The following SLC25A48 variants were observed in gnomAD, a reference collection of about 807,000 sequenced individuals.
The protein encoded by SLC25A48 is solute carrier family 25 member 48.
A neutral mutation model predicts 32.2 loss-of-function variants in SLC25A48; 29 were observed. The ratio of observed to expected loss-of-function variants is 0.90; its 90% CI spans 0.67 to 1.23. The LOEUF is 1.23. Among genes scored for constraint, SLC25A48 ranks in the 50% most tolerant of loss-of-function variants. The pLI is 0.00. For missense variants in SLC25A48, 399 were observed against 422.7 expected (o/e 0.94, Z 0.49); for synonymous variants, 164 against 172.3 (o/e 0.95, Z 0.38).
At chr5:135,761,664 C>T (rs1219955463) in intron 3 of SLC25A48, among the ~76,000 whole-genome samples, 1 of 152,204 alleles carries the variant, frequency 6.6e-6, no homozygotes, top group Non-Finnish European at 1.5e-5. Context: ...TCGTCCATCA[C>T]CAGAAGATTG....
At chr5:135,653,888 C>T (rs1352371601) in intron 3 of SLC25A48, 1 of 456,254 alleles carries the variant, frequency 2.2e-6, no homozygotes, top group Non-Finnish European at 4.4e-6. Context: ...GACACAGCCA[C>T]AGGGCAAGCA....
intron 1 of SLC25A48, among the ~76,000 whole-genome samples, chr5:135,599,957 C>T (rs6889442): frequency 0.18 from 27,900 of 151,906 alleles, 2,853 homozygotes; most frequent in African/African-American, 0.22. Flanking sequence ...CCTGTCTGTC[C>T]CTGCCATAAC....
At chr5:135,720,711 C>G (rs553074021) in intron 3 of SLC25A48, among the ~76,000 whole-genome samples, 76 of 152,008 alleles carry the variant, frequency 5.0e-4, no homozygotes, top group African/African-American at 1.8e-3. Context: ...ACGGAGAGAC[C>G]AGGGTGAAAA....
chr5:135,854,608 T>A (rs6879905), intron 4 of SLC25A48, among the ~76,000 whole-genome samples: 3 of 152,070 alleles, frequency 2.0e-5, no homozygotes, highest in Non-Finnish European at 4.4e-5. Context: ...TTATGTCCTT[T>A]CTCTGAGTTA....
chr5:135,735,099 G>T (rs558893782), intron 3 of SLC25A48, among the ~76,000 whole-genome samples: 55 of 152,206 alleles, frequency 3.6e-4, no homozygotes, highest in Non-Finnish European at 6.5e-4. Context: ...CAGGCTGAGG[G>T]CATTCCTTGG....
intron 3 of SLC25A48, among the ~76,000 whole-genome samples, chr5:135,792,734 T>G (rs1440462273): frequency 6.6e-6 from 1 of 151,794 alleles, no homozygotes; most frequent in Non-Finnish European, 1.5e-5. Context: ...TGCGAGATAT[T>G]ACCTCCTAAT....
intron 3 of SLC25A48, among the ~76,000 whole-genome samples, chr5:135,758,407 A>G (rs1580847506): frequency 6.6e-6 from 1 of 150,844 alleles, no homozygotes. Context: ...AATATTATCT[A>G]TGATATCTAT....
intron 4 of SLC25A48, chr5:135,821,596 A>AGATGTTTG (rs1459443126): frequency 1.3e-5 from 2 of 152,238 alleles, no homozygotes; most frequent in Non-Finnish European, 2.9e-5. Flanking sequence ...AGATTCCAGA[A>AGATGTTTG]GATGTTTGCA....
intron 3 of SLC25A48, among the ~76,000 whole-genome samples, chr5:135,795,074 G>A (rs867558415): frequency 1.3e-5 from 2 of 151,460 alleles, no homozygotes; most frequent in Non-Finnish European, 2.9e-5. Context: ...GGAGAGAAGA[G>A]GATATTACTC....
At chr5:135,699,140 A>G (rs1051452893) in intron 3 of SLC25A48, among the ~76,000 whole-genome samples, 5 of 152,230 alleles carry the variant, frequency 3.3e-5, no homozygotes, top group African/African-American at 7.2e-5. Flanking sequence ...CAGCATATCT[A>G]TAATATGACC....
chr5:135,660,684 AT>A (rs1248225575), intron 3 of SLC25A48, among the ~76,000 whole-genome samples: 1 of 152,176 alleles, frequency 6.6e-6, no homozygotes, highest in East Asian at 1.9e-4. Context: ...AGCTGAGAAG[AT>A]TGTTAAAGGA....
At position 135,834,678 on chromosome 5, in the gene SLC25A48, C is replaced by T. The variant is rs891678501; in HGVS notation, c.-170C>T. ...GCCCTCCGGCACTTGGAGAGGTGAGCGCGGCAGCCCGCGCAGCCGGTGACT... is the reference window on the plus strand; with the variant it reads ...GCCCTCCGGCACTTGGAGAGGTGAGTGCGGCAGCCCGCGCAGCCGGTGACT... On this transcript the variant is annotated 5_prime_UTR_variant, in exon 1 of 8. Transcript: ENST00000681962. 2.9e-6 allele frequency: 2 copies of T among 687,698 alleles called. No homozygotes were observed. The highest frequency in any genetic ancestry group is 2.9e-5 in the East Asian group (1 of 34,634). The allele number at this position is 687,698 out of a possible 1,614,324, so 42.6% of individuals were successfully genotyped here.
At chr5:135,836,545 A>C (rs1156598608) in intron 1 of SLC25A48, among the ~76,000 whole-genome samples, 1 of 152,240 alleles carries the variant, frequency 6.6e-6, no homozygotes. Flanking sequence ...TAATTTTACA[A>C]AGAGGTGCAA....
At chr5:135,804,073 G>A (rs1006960855) in intron 3 of SLC25A48, among the ~76,000 whole-genome samples, 1 of 151,500 alleles carries the variant, frequency 6.6e-6, no homozygotes. Flanking sequence ...AATGTCACAT[G>A]ATCTCCACAC....
chr5:135,744,130 TTAAC>T (rs1194781508), intron 3 of SLC25A48, among the ~76,000 whole-genome samples: 8 of 152,188 alleles, frequency 5.3e-5, no homozygotes, highest in Admixed American at 2.0e-4. Flanking sequence ...TCACAGGAAT[TTAAC>T]TAACTGCCTC....
At chr5:135,628,826 G>T (rs1004475119) in intron 1 of SLC25A48, among the ~76,000 whole-genome samples, 3 of 152,126 alleles carry the variant, frequency 2.0e-5, no homozygotes, top group Middle Eastern at 3.2e-3. Flanking sequence ...TGTCAGAGGC[G>T]TCATTACCAA....
At chr5:135,820,119 C>T (rs1283320724) in intron 4 of SLC25A48, among the ~76,000 whole-genome samples, 2 of 152,134 alleles carry the variant, frequency 1.3e-5, no homozygotes, top group Admixed American at 6.5e-5. Flanking sequence ...AAGACTTGTA[C>T]CTAACCATTT....
intron 4 of SLC25A48, among the ~76,000 whole-genome samples, chr5:135,871,035 CTG>C (rs1268775791): frequency 1.3e-5 from 2 of 150,746 alleles, no homozygotes; most frequent in Non-Finnish European, 3.0e-5. Context: ...CTCCGCCACA[CTG>C]TGCATAAATA....
In SLC25A48 at chr5:135,780,541, T is replaced by C. The variant is rs1174418876; in HGVS notation, c.-520-31982T>C. Among the ~76,000 whole-genome samples, 6 of 116,032 alleles carry C rather than the reference T, an allele frequency of 5.2e-5. 2 individuals are homozygous for C. The highest frequency in any genetic ancestry group is 1.6e-4 in the African/African-American group (6 of 37,978). The allele number at this position is 116,032 out of a possible 152,430, so 76.1% of individuals were successfully genotyped here. ...CAAGGGGTGTACACCTCCCCTGTGA[T>C]ATTGTTCCTAGTATCCAAAAGGAAG... On this transcript the variant is annotated intron_variant, in intron 3 of 10. Transcript: ENST00000646290.
Sources: allele counts gnomAD v4.1 joint callset (sites outside exome capture counted in the v4.1 genomes callset), GRCh38; gene constraint gnomAD v4.1.1; transcripts MANE v1.5; gene names NCBI Gene and HGNC (gene_info 2026-07-23, HGNC 2026-07-21).